Variants in WWOX observed in about 807,000 individuals in gnomAD.
WWOX encodes WW domain-containing oxidoreductase.
In WWOX, 69 loss-of-function variants were observed where a neutral mutation model predicts 46.2. That is an observed-to-expected ratio of 1.49 (90% CI 1.23 to 1.82). The LOEUF (loss-of-function observed/expected upper bound fraction) is 1.82. Among genes scored for constraint, WWOX ranks in the 40% most tolerant of loss-of-function variants. The pLI, the probability that WWOX is intolerant of heterozygous loss-of-function variation, is 0.00. For synonymous variants in WWOX, 359 were observed against 202.6 expected, an observed-to-expected ratio of 1.77 and a Z score of -6.56; for missense variants, 919 against 542.6, an observed-to-expected ratio of 1.69 and a Z score of -6.89.
Position 78,811,795 on chromosome 16 carries a change from C to G in WWOX, c.1056+379043C>G, listed in dbSNP as rs570488705. Among the ~76,000 whole-genome samples the G allele has an allele frequency of 1.4e-4, 21 of 152,264 alleles. No individual in the cohort carries two copies. In the South Asian group the frequency reaches 4.4e-3, roughly 32 times the overall value. On this transcript the variant is annotated intron_variant, in intron 8 of 8. Transcript: ENST00000566780. ...GATACCATCCCACTGATGGTCAGGG[C>G]TTTGACATATGAATGAGGGGTAGAG...
chr16:78,564,616 T>C (rs2044520321), intron 8 of WWOX, among the ~76,000 whole-genome samples: 1 of 152,128 alleles, frequency 6.6e-6, no homozygotes, highest in African/African-American at 2.4e-5. Flanking sequence ...TCAATTTCTT[T>C]TTAAATCTGA....
At chr16:78,199,793 C>T (rs1239112326) in intron 5 of WWOX, among the ~76,000 whole-genome samples, 2 of 151,458 alleles carry the variant, frequency 1.3e-5, no homozygotes, top group Non-Finnish European at 2.9e-5. Context: ...TCCAAGATCC[C>T]TCTTCTCTCT....
chr16:79,200,925 C>G (rs1254084601), intron 8 of WWOX, among the ~76,000 whole-genome samples: 1 of 152,178 alleles, frequency 6.6e-6, no homozygotes, highest in African/African-American at 2.4e-5. Flanking sequence ...CTTCTTTAAA[C>G]TTGTGATAAT....
intron 8 of WWOX, among the ~76,000 whole-genome samples, chr16:79,105,622 G>T (rs1228097943): frequency 6.6e-6 from 1 of 151,134 alleles, no homozygotes; most frequent in Admixed American, 6.6e-5. Context: ...TATATAATCT[G>T]CTTTCTTTTG....
chr16:78,566,533 G>T (rs1407144120), intron 8 of WWOX, among the ~76,000 whole-genome samples: 1 of 152,296 alleles, frequency 6.6e-6, no homozygotes, highest in Admixed American at 6.5e-5. Context: ...GCACAGGATG[G>T]TTCCAAGGAC....
intron 8 of WWOX, among the ~76,000 whole-genome samples, chr16:78,671,088 C>G (rs1266771258): frequency 6.6e-6 from 1 of 152,164 alleles, no homozygotes; most frequent in Non-Finnish European, 1.5e-5. Flanking sequence ...CCTGCAGACA[C>G]TCAGATTTCA....
chr16:78,218,765 G>T (rs954940375), intron 5 of WWOX, among the ~76,000 whole-genome samples: 1 of 152,250 alleles, frequency 6.6e-6, no homozygotes, highest in African/African-American at 2.4e-5. Flanking sequence ...GCGCCGTGCA[G>T]TGTGGAAGCA....
chr16:78,804,363 C>T (rs780458118), intron 8 of WWOX, among the ~76,000 whole-genome samples: 1 of 150,938 alleles, frequency 6.6e-6, no homozygotes, highest in Non-Finnish European at 1.5e-5. Context: ...TTTTGCTCGG[C>T]AGCGAACAAA....
At chr16:78,514,057 C>G (rs1196171836) in intron 8 of WWOX, among the ~76,000 whole-genome samples, 1 of 152,116 alleles carries the variant, frequency 6.6e-6, no homozygotes, top group East Asian at 1.9e-4. Flanking sequence ...ATTGAGAAAC[C>G]TATTCTGTTA....
intron 8 of WWOX, among the ~76,000 whole-genome samples, chr16:78,539,902 G>C (rs1196654355): frequency 6.6e-6 from 1 of 152,044 alleles, no homozygotes; most frequent in African/African-American, 2.4e-5. Context: ...ATCAGATCCA[G>C]TACATATTTA....
chr16:79,090,953 A>C (rs2048947764), intron 8 of WWOX, among the ~76,000 whole-genome samples: 1 of 152,064 alleles, frequency 6.6e-6, no homozygotes, highest in Admixed American at 6.5e-5. Flanking sequence ...ATGCCACCGC[A>C]CCCAGCTCAA....
intron 8 of WWOX, among the ~76,000 whole-genome samples, chr16:78,846,292 A>G (rs2052296974): frequency 6.6e-6 from 1 of 152,156 alleles, no homozygotes; most frequent in Non-Finnish European, 1.5e-5. Context: ...TATTAACTAC[A>G]CTCAGACTAT....
chr16:78,386,202 A>G (rs1394988644), intron 5 of WWOX, among the ~76,000 whole-genome samples: 2 of 152,124 alleles, frequency 1.3e-5, no homozygotes, highest in South Asian at 2.1e-4. Context: ...CTTGAGTGAG[A>G]TGGTATGCAA....
At chr16:78,174,998 G>GTAA (rs368742234) in intron 5 of WWOX, among the ~76,000 whole-genome samples, 29,690 of 140,662 alleles carry the variant, frequency 0.21, 3,242 homozygotes, top group East Asian at 0.36. Context: ...AAAAATAATA[G>GTAA]TAATAATAAT....
At chr16:78,506,468 C>G (rs1307211612) in intron 8 of WWOX, 1 of 152,212 alleles carries the variant, frequency 6.6e-6, no homozygotes, top group Non-Finnish European at 1.5e-5. Context: ...TTCAGAGTCT[C>G]CAAGACTGCC....
intron 5 of WWOX, among the ~76,000 whole-genome samples, chr16:78,166,128 C>T (rs2034962375): frequency 6.6e-6 from 1 of 151,596 alleles, no homozygotes; most frequent in African/African-American, 2.4e-5. Flanking sequence ...AAAAGGTTAT[C>T]TATATACCAG....
At chr16:78,238,838 C>G (rs953717202) in intron 5 of WWOX, among the ~76,000 whole-genome samples, 2 of 151,888 alleles carry the variant, frequency 1.3e-5, no homozygotes, top group Admixed American at 1.3e-4. Flanking sequence ...AGGCTGGTCT[C>G]GAACTCCGGA....
At chr16:79,071,316 C>G (rs928442813) in intron 8 of WWOX, among the ~76,000 whole-genome samples, 1 of 152,160 alleles carries the variant, frequency 6.6e-6, no homozygotes, top group Non-Finnish European at 1.5e-5. Context: ...AGAAAACATA[C>G]TCTGAGCTTT....
intron 8 of WWOX, among the ~76,000 whole-genome samples, chr16:79,010,881 G>C (rs934777130): frequency 3.9e-5 from 6 of 152,012 alleles, no homozygotes; most frequent in African/African-American, 1.4e-4. Flanking sequence ...TGGGAACAGA[G>C]AGCGAGAGGG....
Sources: gnomAD v4.1 joint callset for allele counts (sites outside exome capture counted in the v4.1 genomes callset) on GRCh38, gnomAD v4.1.1 for gene constraint, MANE v1.5 for transcripts, NCBI Gene and HGNC (gene_info 2026-07-23, HGNC 2026-07-21) for gene names.